The following RAB11FIP3 variants were observed in gnomAD, a reference collection of about 807,000 sequenced individuals.
RAB11FIP3 encodes RAB11 family interacting protein 3, also known as rab11 family-interacting protein 3.
In RAB11FIP3, 17 loss-of-function variants were observed where a neutral mutation model predicts 77.8. The ratio of observed to expected loss-of-function variants is 0.22; its 90% CI spans 0.15 to 0.33. RAB11FIP3 has a LOEUF of 0.33. Ranked by LOEUF, RAB11FIP3 falls within the 10% of genes least tolerant of loss-of-function variation. The pLI is 1.00. For missense variants in RAB11FIP3, 1,005 were observed against 1,011.2 expected (o/e 0.99, Z 0.08); for synonymous variants, 437 against 448.2 (o/e 0.98, Z 0.31).
At chr16:486,630 C>A (rs983738893) in intron 4 of RAB11FIP3, among the ~76,000 whole-genome samples, 1 of 152,204 alleles carries the variant, frequency 6.6e-6, no homozygotes, top group African/African-American at 2.4e-5. Flanking sequence ...GGGTGCAGAC[C>A]GTCCGGTTCA....
chr16:482,421 C>A, intron 3 of RAB11FIP3, 104 bp from the exon 4 acceptor site: 1 of 1,060,412 alleles, frequency 9.4e-7, no homozygotes, highest in South Asian at 1.3e-5. Context: ...TCAGACCCCT[C>A]CCTCCACACT....
chr16:426,629 G>A lies in RAB11FIP3; in HGVS notation c.623G>A (p.Arg208Gln), dbSNP rs778759324. Reference protein sequence around the residue: ...VGSQEDGPRLRAVFDALDGDG... With the variant: ...VGSQEDGPRLQAVFDALDGDG... ...AGTCAGGAGGACGGCCCCCGCCTCC[G>A]AGCCGTGTTCGATGCCCTGGACGGG... is the stretch of plus-strand genomic sequence containing the variant. Residue 208 changes from arginine to glutamine, a missense_variant, in exon 1 of 14, where the codon CGA becomes CAA. Physicochemically the swap from Arg to Gln is conservative, Grantham distance 43. Transcript: ENST00000262305. The surrounding 1 kb of genome is among the most constrained non-coding windows in gnomAD (Gnocchi z 5.0). 2.1e-5 allele frequency: 34 copies of A among 1,590,856 alleles called. No homozygotes were observed. Among genetic ancestry groups the A allele is most frequent in the Non-Finnish European group, 2.7e-5 (32 of 1,169,866 alleles).
intron 3 of RAB11FIP3, among the ~76,000 whole-genome samples, chr16:476,377 G>T (rs576912487): frequency 6.6e-6 from 1 of 152,212 alleles, no homozygotes; most frequent in Admixed American, 6.5e-5. Context: ...GCTTTTGCCT[G>T]CAGGGGCACC....
Position 426,294 on chromosome 16 carries a change from G to T in RAB11FIP3, c.288G>T (p.Pro96=), listed in dbSNP as rs1467856553. Reference sequence around the variant, plus strand: ...CCGCCCCGCCGCCGCGCTCCGGCCCGCGGGGGCAGCTTGCGAGCCCCGACG... The same window carrying T: ...CCGCCCCGCCGCCGCGCTCCGGCCCTCGGGGGCAGCTTGCGAGCCCCGACG... The part of the protein sequence containing the change: ...GPSAPPPRSG[P]RGQLASPDAP... The change falls in exon 1 of 14, where the codon CCG becomes CCT. Residue 96 remains proline, a synonymous_variant. Transcript: ENST00000262305. The surrounding 1 kb of genome is among the most constrained non-coding windows in gnomAD (Gnocchi z 5.0). 6.5e-5 allele frequency: 82 copies of T among 1,258,722 alleles called. 1 individual carries two copies. Among genetic ancestry groups the T allele is most frequent in the Non-Finnish European group, 8.0e-5 (80 of 1,005,460 alleles). 78.0% of individuals were successfully genotyped at this position (1,258,722 alleles called of 1,614,324 possible). A position where few individuals can be genotyped will look rare whatever the true frequency, so the allele number is the denominator to read the frequency against.
chr16:491,983 C>T (rs946826139), intron 5 of RAB11FIP3, among the ~76,000 whole-genome samples: 1 of 152,158 alleles, frequency 6.6e-6, no homozygotes, highest in Non-Finnish European at 1.5e-5. Flanking sequence ...GGGACCTGGC[C>T]TGTGGGGAGG....
Position 461,657 on chromosome 16 carries a change from CTTG to C in RAB11FIP3, c.808+163_808+165del, listed in dbSNP as rs1222055549. On this transcript the variant is annotated intron_variant, in intron 2 of 13. Coordinates refer to ENST00000262305, the MANE Select transcript of RAB11FIP3 (RefSeq NM_014700.4). The surrounding 1 kb of genome is among the most constrained non-coding windows in gnomAD (Gnocchi z 4.5). ...GGTTTCCAGGTGGTCTCTTTCCTTTCTTGTTACCTTCTCCTCACATACCCTGTT... is the reference window on the plus strand; with the variant it reads ...GGTTTCCAGGTGGTCTCTTTCCTTTCTTACCTTCTCCTCACATACCCTGTT... 6.6e-6 allele frequency among the ~76,000 whole-genome samples: 1 copy of C among 152,104 alleles called. No homozygotes were observed. Among genetic ancestry groups the C allele is most frequent in the Non-Finnish European group, 1.5e-5 (1 of 68,032 alleles).
At chr16:511,944 C>T (rs1190180261) in intron 9 of RAB11FIP3, among the ~76,000 whole-genome samples, 1 of 150,110 alleles carries the variant, frequency 6.7e-6, no homozygotes, top group Non-Finnish European at 1.5e-5. Context: ...GCCCGCCCAC[C>T]CCAGAACCTG....
At chr16:513,935 C>T (rs779352679) in intron 9 of RAB11FIP3, among the ~76,000 whole-genome samples, 2 of 152,184 alleles carry the variant, frequency 1.3e-5, no homozygotes, top group African/African-American at 4.8e-5. Flanking sequence ...GTACGTTTCT[C>T]GTCTGTGAGC....
intron 1 of RAB11FIP3, among the ~76,000 whole-genome samples, chr16:433,209 T>G (rs938456360): frequency 8.6e-6 from 1 of 115,824 alleles, no homozygotes; most frequent in African/African-American, 3.4e-5. Context: ...ATTTTTGTAT[T>G]TTTACTAGAG....
At chr16:427,628 A>G (rs1244652586) in intron 1 of RAB11FIP3, among the ~76,000 whole-genome samples, 1 of 152,148 alleles carries the variant, frequency 6.6e-6, no homozygotes, top group Non-Finnish European at 1.5e-5. Context: ...ACTTTTAAAT[A>G]TTTTACTTAG....
At chr16:497,288 C>G in intron 6 of RAB11FIP3, 1 of 1,304,512 alleles carries the variant, frequency 7.7e-7, no homozygotes, top group Non-Finnish European at 1.0e-6. Flanking sequence ...TCTTCATTTT[C>G]CAGCTTCGTA....
chr16:441,083 G>A (rs1447331084), intron 1 of RAB11FIP3, among the ~76,000 whole-genome samples: 2 of 152,170 alleles, frequency 1.3e-5, no homozygotes, highest in Admixed American at 1.3e-4. Flanking sequence ...TGGGATGACA[G>A]GTACCTGCCA....
chr16:488,632 C>T lies in RAB11FIP3; in HGVS notation c.1116-219C>T, dbSNP rs531604259. Among the ~76,000 whole-genome samples the T allele has an allele frequency of 1.7e-3, 259 of 152,170 alleles. 1 individual carries two copies. The highest frequency in any genetic ancestry group is 6.0e-3 in the African/African-American group (249 of 41,538). On this transcript the variant is annotated intron_variant, in intron 4 of 13. Coordinates refer to ENST00000262305, the MANE Select transcript of RAB11FIP3 (RefSeq NM_014700.4). The stretch of plus-strand genomic sequence containing the variant: ...CCCTGTTGCCCAGGCTGGTCTCAAA[C>T]TCCTGAGCTCAAGCCATCTGCTCGC...
In RAB11FIP3 at chr16:505,779, C is replaced by T. The variant is rs1227221863; in HGVS notation, c.1499+152C>T. The T allele has an allele frequency of 1.5e-6, 1 of 679,438 alleles. No homozygotes were observed. Among genetic ancestry groups the T allele is most frequent in the Admixed American group, 2.8e-5 (1 of 35,232 alleles). The allele number at this position is 679,438 out of a possible 1,614,324, so 42.1% of individuals were successfully genotyped here. On this transcript the variant is annotated intron_variant, in intron 8 of 13. Coordinates refer to ENST00000262305, the MANE Select transcript of RAB11FIP3 (RefSeq NM_014700.4). This position sits in a 1 kb window ranked among gnomAD's most constrained non-coding sequence, Gnocchi z 4.0. ...GGCTGAGGGGGTGGTGCCAGGTGGT[C>T]ATCTGAGCCTACCCAGTGGGCTGCA...
chr16:459,352 C>T (rs531626109), intron 1 of RAB11FIP3, among the ~76,000 whole-genome samples: 4 of 151,896 alleles, frequency 2.6e-5, no homozygotes, highest in Non-Finnish European at 2.9e-5. Flanking sequence ...TCTCGAACTC[C>T]GGACCTCAGG....
rs139922476 is a variant in RAB11FIP3 at position 460,689 on chromosome 16, T to C, written c.715-715T>C. ...CATTTCTGAATGGGCGGTGTGTGCT[T>C]ATCTATGTTATCTATGTAACATATC... is the stretch of plus-strand genomic sequence containing the variant. On this transcript the variant is annotated intron_variant, in intron 1 of 13. Coordinates refer to ENST00000262305, the MANE Select transcript of RAB11FIP3 (RefSeq NM_014700.4). Among the ~76,000 whole-genome samples the C allele has an allele frequency of 2.0e-5, 3 of 152,320 alleles. No homozygotes were observed. In the East Asian group the frequency reaches 5.8e-4, roughly 29 times the overall value.
chr16:479,283 TC>T (rs2055985116), intron 3 of RAB11FIP3, among the ~76,000 whole-genome samples: 2 of 152,024 alleles, frequency 1.3e-5, no homozygotes, highest in South Asian at 4.2e-4. Flanking sequence ...TCCCAGCTAC[TC>T]AGGAGGCTGA....
At chr16:519,946 A>G (rs1200103772) in intron 11 of RAB11FIP3, 55 bp downstream of exon 11, 3 of 1,531,724 alleles carry the variant, frequency 2.0e-6, no homozygotes, top group Admixed American at 4.0e-5. Flanking sequence ...CCCCACGGGG[A>G]GCCTTTGTTT....
At position 429,641 on chromosome 16, in the gene RAB11FIP3, C is replaced by T. The variant is rs146426932; in HGVS notation, c.714+2921C>T. Among the ~76,000 whole-genome samples the T allele has an allele frequency of 1.7e-3, 256 of 151,902 alleles. 2 individuals are homozygous for T. Among genetic ancestry groups the T allele is most frequent in the African/African-American group, 5.5e-3 (227 of 41,408 alleles). On this transcript the variant is annotated intron_variant, in intron 1 of 13. Coordinates refer to ENST00000262305, the MANE Select transcript of RAB11FIP3 (RefSeq NM_014700.4). ...CAGCCTCCCGAGTAGCTGGGATTAC[C>T]GGTGCCCGTCACCACACCTGGCTAT... is the stretch of plus-strand genomic sequence containing the variant.
Sources: gnomAD v4.1 joint callset for allele counts (sites outside exome capture counted in the v4.1 genomes callset) on GRCh38, gnomAD v4.1.1 for gene constraint, Gnocchi (gnomAD v3.1) non-coding constraint, MANE v1.5 for transcripts, NCBI Gene and HGNC (gene_info 2026-07-23, HGNC 2026-07-21) for gene names.